Variants in MYL11 observed in about 807,000 individuals in gnomAD.
MYL11 encodes myosin light chain 11, also known as myosin regulatory light chain 11.
chr16:30,375,566 G>T, the MYL11 span, among the ~76,000 whole-genome samples: 9 of 152,136 alleles, frequency 5.9e-5, no homozygotes, highest in Non-Finnish European at 5.9e-5. Context: ...CTAGGCTCAG[G>T]ACACTGAGAA....
the MYL11 span, among the ~76,000 whole-genome samples, chr16:30,377,135 C>T: frequency 6.6e-6 from 1 of 152,052 alleles, no homozygotes. Flanking sequence ...ATCGCTTGAA[C>T]CCTGGAGTCG....
the MYL11 span, among the ~76,000 whole-genome samples, chr16:30,375,462 C>G: frequency 7.8e-6 from 1 of 128,666 alleles, no homozygotes; most frequent in African/African-American, 3.6e-5. Context: ...AAGACTCTGT[C>G]TCAAAAAAAA....
chr16:30,377,620 C>A, the MYL11 span: 1 of 1,450,286 alleles, frequency 6.9e-7, no homozygotes, highest in East Asian at 2.4e-5. Context: ...ACCAGGAACC[C>A]AATCGCAACT....
the MYL11 span, chr16:30,376,091 A>T: frequency 1.9e-6 from 3 of 1,586,850 alleles, no homozygotes; most frequent in Non-Finnish European, 2.6e-6. Flanking sequence ...TGGGGTAGGG[A>T]TGCTGAGGCT....
the MYL11 span, among the ~76,000 whole-genome samples, chr16:30,371,805 C>A: frequency 1.3e-5 from 2 of 152,258 alleles, no homozygotes; most frequent in South Asian, 2.1e-4. Context: ...CACTGAGAAT[C>A]CCGACCTCAA....
the MYL11 span, chr16:30,377,912 G>T: frequency 6.3e-7 from 1 of 1,597,718 alleles, no homozygotes; most frequent in Non-Finnish European, 8.6e-7. Context: ...GGCACCCGCG[G>T]GCCTCCGCTG....
At chr16:30,377,728 G>A in the MYL11 span, 1 of 1,567,492 alleles carries the variant, frequency 6.4e-7, no homozygotes, top group South Asian at 1.1e-5. Flanking sequence ...GGCGGGGCCG[G>A]AGCAGCAAAG....
At chr16:30,376,132 C>A in the MYL11 span, 1 of 1,612,512 alleles carries the variant, frequency 6.2e-7, no homozygotes, top group Admixed American at 1.7e-5. Flanking sequence ...CTCCCCACCA[C>A]GGCCCTCCCC....
At chr16:30,376,519 A>G in the MYL11 span, 1 of 1,614,036 alleles carries the variant, frequency 6.2e-7, no homozygotes, top group Non-Finnish European at 8.5e-7. Context: ...TTCGGGGAGA[A>G]GCTCAAGGGT....
At chr16:30,374,137 C>G in the MYL11 span, among the ~76,000 whole-genome samples, 1 of 151,772 alleles carries the variant, frequency 6.6e-6, no homozygotes, top group Non-Finnish European at 1.5e-5. Context: ...ACGGTGAAAC[C>G]CTGTCTCTAC....
the MYL11 span, among the ~76,000 whole-genome samples, chr16:30,371,974 T>C: frequency 6.6e-6 from 1 of 152,124 alleles, no homozygotes; most frequent in Non-Finnish European, 1.5e-5. Flanking sequence ...GAGACCTAGC[T>C]CCCGACTTCT....
chr16:30,376,696 G>A, the MYL11 span: 1 of 1,613,726 alleles, frequency 6.2e-7, no homozygotes. Context: ...TCAAGAAGAA[G>A]TTGTAAGCAT....
At chr16:30,377,782 A>C in the MYL11 span, 2 of 1,613,770 alleles carry the variant, frequency 1.2e-6, no homozygotes, top group Non-Finnish European at 1.7e-6. Context: ...AGACGCCCCT[A>C]CGTCTTTCCC....
chr16:30,377,929 G>T, the MYL11 span: 2 of 1,580,320 alleles, frequency 1.3e-6, no homozygotes, highest in African/African-American at 2.7e-5. Context: ...GCTGCCCGAC[G>T]CTTCTGTTCG....
the MYL11 span, among the ~76,000 whole-genome samples, chr16:30,371,508 A>G: frequency 1.7e-4 from 26 of 152,090 alleles, 1 homozygote; most frequent in Non-Finnish European, 5.9e-5. Flanking sequence ...TAAGCAACCC[A>G]TATCTCTGCT....
At chr16:30,377,506 C>A in the MYL11 span, 2 of 749,852 alleles carry the variant, frequency 2.7e-6, no homozygotes, top group Non-Finnish European at 4.0e-6. Flanking sequence ...GCGGAGAGGG[C>A]AAAAGCGAGT....
the MYL11 span, chr16:30,376,239 G>C: frequency 6.2e-7 from 1 of 1,612,444 alleles, no homozygotes; most frequent in Non-Finnish European, 8.5e-7. Flanking sequence ...CCTACCCCCA[G>C]GTGGGAATAT....
At chr16:30,372,077 C>G in the MYL11 span, among the ~76,000 whole-genome samples, 3 of 152,198 alleles carry the variant, frequency 2.0e-5, no homozygotes, top group Non-Finnish European at 4.4e-5. Context: ...TGATCTCCTT[C>G]TCCTCACCTT....
chr16:30,374,850 C>T, the MYL11 span: 1 of 1,613,490 alleles, frequency 6.2e-7, no homozygotes, highest in Admixed American at 1.7e-5. Context: ...CCCCCGGAGA[C>T]TGAAGACATG....
Sources: allele counts gnomAD v4.1 joint callset (sites outside exome capture counted in the v4.1 genomes callset), GRCh38; gene constraint gnomAD v4.1.1; transcripts MANE v1.5; gene names NCBI Gene and HGNC (gene_info 2026-07-23, HGNC 2026-07-21).